Variants in MYO5C observed in about 807,000 individuals in gnomAD.
The protein encoded by MYO5C is unconventional myosin-Vc.
Under a neutral mutation model 235.7 loss-of-function variants are expected in MYO5C, and 194 were observed. The ratio of observed to expected loss-of-function variants is 0.82; its 90% CI spans 0.73 to 0.93. The LOEUF (loss-of-function observed/expected upper bound fraction) is 0.93. Ranked by LOEUF, MYO5C falls within the 40% of genes least tolerant of loss-of-function variation. The probability of loss-of-function intolerance (pLI) is 0.00; values close to 1 mark genes in which losing one functional copy is unlikely to be tolerated. For missense variants in MYO5C, 2,038 were observed against 2,127.2 expected, an observed-to-expected ratio of 0.96 and a Z score of 0.82; for synonymous variants, 707 against 754.8, an observed-to-expected ratio of 0.94 and a Z score of 1.04.
At chr15:52,253,245 A>G in intron 12 of MYO5C, 72 bp downstream of exon 12, 1 of 1,475,646 alleles carries the variant, frequency 6.8e-7, no homozygotes, top group Non-Finnish European at 9.2e-7. Flanking sequence ...CACACTTCAA[A>G]AAAACTGCTT....
intron 9 of MYO5C, among the ~76,000 whole-genome samples, chr15:52,262,325 G>A (rs141398750): frequency 1.6e-4 from 25 of 152,310 alleles, no homozygotes; most frequent in African/African-American, 5.8e-4. Flanking sequence ...AGGATTTTCA[G>A]TCAATCAATT....
chr15:52,245,253 A>C, intron 18 of MYO5C, 101 bp downstream of exon 18: 4 of 857,690 alleles, frequency 4.7e-6, no homozygotes, highest in Non-Finnish European at 8.0e-6. Context: ...TCAGGTGTTC[A>C]TGATTACAGT....
intron 1 of MYO5C, among the ~76,000 whole-genome samples, chr15:52,295,204 G>A (rs1306864266): frequency 6.6e-6 from 1 of 152,214 alleles, no homozygotes; most frequent in East Asian, 1.9e-4. Context: ...GATTCCACCC[G>A]TGGTGTGGTA....
Position 52,195,490 on chromosome 15 carries a change from T to C in MYO5C, c.4996-33A>G, listed in dbSNP as rs760442020. 6 of 1,398,926 alleles carry C rather than the reference T, an allele frequency of 4.3e-6. No homozygotes were observed. In the African/African-American group the frequency reaches 4.4e-5, roughly 10 times the overall value. 86.7% of individuals were successfully genotyped at this position (1,398,926 alleles called of 1,614,324 possible). A position where few individuals can be genotyped will look rare whatever the true frequency, so the allele number is the denominator to read the frequency against. ...CGGTACATAACATGGTGTTAGACCA[T>C]GCAAAATAATAACTCTGTTCATAAA... On this transcript the variant is annotated intron_variant, in intron 39 of 40. Coordinates refer to ENST00000261839, the MANE Select transcript of MYO5C (RefSeq NM_018728.4).
chr15:52,231,763 C>T (rs182134621), intron 24 of MYO5C, among the ~76,000 whole-genome samples: 4 of 152,222 alleles, frequency 2.6e-5, no homozygotes, highest in Admixed American at 1.3e-4. Context: ...TATCTCTTTC[C>T]GGGACCCTGC....
chr15:52,211,934 T>A, intron 34 of MYO5C, 50 bp from the exon 35 acceptor site: 1 of 1,587,756 alleles, frequency 6.3e-7, no homozygotes, highest in African/African-American at 1.3e-5. Context: ...TCAGCTCTTC[T>A]CCTAAGGAAC....
At chr15:52,195,941 G>T (rs1192725583) in intron 39 of MYO5C, among the ~76,000 whole-genome samples, 1 of 142,800 alleles carries the variant, frequency 7.0e-6, no homozygotes, top group Admixed American at 7.4e-5. Context: ...TGGGACCAAA[G>T]GTGTGTGCCA....
chr15:52,241,910 A>C, intron 20 of MYO5C, 138 bp downstream of exon 20: 1 of 993,864 alleles, frequency 1.0e-6, no homozygotes, highest in South Asian at 1.6e-5. Context: ...AGCACCTGGA[A>C]GAATCTCCTT....
chr15:52,235,068 G>A (rs1413587750), intron 23 of MYO5C, among the ~76,000 whole-genome samples: 1 of 152,334 alleles, frequency 6.6e-6, no homozygotes, highest in African/African-American at 2.4e-5. Context: ...GCTCAAATGT[G>A]TAGAGCTAGG....
intron 25 of MYO5C, among the ~76,000 whole-genome samples, chr15:52,228,175 G>T (rs1200140058): frequency 6.6e-6 from 1 of 150,592 alleles, no homozygotes. Context: ...ACGGAGTCTC[G>T]GTCTGTCACC....
intron 28 of MYO5C, among the ~76,000 whole-genome samples, chr15:52,224,605 A>G (rs2035776959): frequency 6.6e-6 from 1 of 152,246 alleles, no homozygotes; most frequent in Non-Finnish European, 1.5e-5. Flanking sequence ...AATGCAGCAC[A>G]TGCCTTAAAT....
intron 2 of MYO5C, among the ~76,000 whole-genome samples, chr15:52,282,072 G>A (rs978392531): frequency 2.0e-5 from 3 of 152,190 alleles, no homozygotes; most frequent in East Asian, 1.9e-4. Flanking sequence ...CAGAAGCTGC[G>A]TCATCAGAAG....
intron 2 of MYO5C, among the ~76,000 whole-genome samples, 188 bp downstream of exon 2, chr15:52,282,594 G>A (rs182060645): frequency 2.8e-4 from 42 of 152,336 alleles, no homozygotes; most frequent in African/African-American, 9.9e-4. Flanking sequence ...CAGCACAGGG[G>A]CGGGAGGGAA....
rs767790992 is a variant in MYO5C at position 52,251,403 on chromosome 15, T to C, written c.1649A>G (p.His550Arg). 4.4e-6 allele frequency: 7 copies of C among 1,597,146 alleles called. No individual in the cohort carries two copies. The highest frequency in any genetic ancestry group is 6.0e-6 in the Non-Finnish European group (7 of 1,170,326). ...CCTTCACGGTACCTTATCAGCAAAGTGCTGGATGACAAAGGATGTGTTTGA... is the reference window on the plus strand; with the variant it reads ...CCTTCACGGTACCTTATCAGCAAAGCGCTGGATGACAAAGGATGTGTTTGA... ...RMSNTSFVIQ[H>R]FADKVEYKCE... Residue 550 changes from histidine to arginine, a missense_variant, in exon 13 of 41, where the codon CAC becomes CGC. Coordinates refer to ENST00000261839, the MANE Select transcript of MYO5C (RefSeq NM_018728.4).
At chr15:52,214,754 T>TTG (rs59819197) in intron 32 of MYO5C, 64 bp from the exon 33 acceptor site, 18 of 982,608 alleles carry the variant, frequency 1.8e-5, no homozygotes, top group African/African-American at 3.3e-5. Context: ...TTTTTTTTTT[T>TTG]GGGTAACAGC....
chr15:52,228,103 G>T (rs906425244), intron 25 of MYO5C, among the ~76,000 whole-genome samples: 1 of 151,886 alleles, frequency 6.6e-6, no homozygotes, highest in African/African-American at 2.4e-5. Context: ...TTATTAAATT[G>T]CCCAGGAATA....
chr15:52,222,895 G>A (rs773532246), intron 29 of MYO5C, among the ~76,000 whole-genome samples: 24 of 152,128 alleles, frequency 1.6e-4, no homozygotes, highest in Non-Finnish European at 2.9e-4. Flanking sequence ...CGGGCACGGT[G>A]GCTTATGCCA....
At chr15:52,262,891 A>T (rs981661742) in intron 9 of MYO5C, among the ~76,000 whole-genome samples, 1 of 152,198 alleles carries the variant, frequency 6.6e-6, no homozygotes, top group African/African-American at 2.4e-5. Context: ...CCCCAATGTG[A>T]CCGTATTTGG....
Position 52,260,966 on chromosome 15 carries a change from T to G in MYO5C, c.1209A>C (p.Lys403Asn). Residue 403 changes from lysine (K) to asparagine (N), a missense_variant, in exon 10 of 41, where the codon AAA (lysine) becomes AAC (asparagine). Physicochemically the swap from Lys to Asn is moderately conservative, Grantham distance 94 (BLOSUM62 0). Coordinates refer to ENST00000261839, the MANE Select transcript of MYO5C (RefSeq NM_018728.4). ...AGTCGAACAGGTGAGCATAGATCTTTTTGGCCAGTGCATCCCTGGCGTTGA... is the reference window on the plus strand; with the variant it reads ...AGTCGAACAGGTGAGCATAGATCTTGTTGGCCAGTGCATCCCTGGCGTTGA... ...QAVNARDALA[K>N]KIYAHLFDFI... 1 of 1,614,194 alleles carries G rather than the reference T, an allele frequency of 6.2e-7. No homozygotes were observed. The highest frequency in any genetic ancestry group is 1.1e-5 in the South Asian group (1 of 91,082).
Sources: gnomAD v4.1 joint callset for allele counts (sites outside exome capture counted in the v4.1 genomes callset) on GRCh38, gnomAD v4.1.1 for gene constraint, MANE v1.5 for transcripts, NCBI Gene and HGNC (gene_info 2026-07-23, HGNC 2026-07-21) for gene names.